The following EDIL3 variants were observed in gnomAD, a reference collection of about 807,000 sequenced individuals.
The protein encoded by EDIL3 is EGF-like repeat and discoidin I-like domain-containing protein 3.
Under a neutral mutation model 67.4 loss-of-function variants are expected in EDIL3, and 37 were observed. That is an observed-to-expected ratio of 0.55 (90% CI 0.42 to 0.72). The LOEUF is 0.72. EDIL3 is among the 30% of genes least tolerant of loss of function. The pLI is 0.00. For synonymous variants in EDIL3, 195 were observed against 196.3 expected, an observed-to-expected ratio of 0.99 and a Z score of 0.05; for missense variants, 527 against 586.3, an observed-to-expected ratio of 0.90 and a Z score of 1.04.
intron 5 of EDIL3, among the ~76,000 whole-genome samples, chr5:84,122,209 C>T (rs1747789223): frequency 6.6e-6 from 1 of 151,898 alleles, no homozygotes; most frequent in Admixed American, 6.6e-5. Context: ...GGTGGACTGT[C>T]CATAACTCTT....
At chr5:84,077,408 G>T (rs960097305) in intron 6 of EDIL3, among the ~76,000 whole-genome samples, 11 of 152,094 alleles carry the variant, frequency 7.2e-5, no homozygotes, top group African/African-American at 2.7e-4. Context: ...CTGCTATGAA[G>T]AAATACCTGA....
chr5:84,063,022 A>G (rs1746571955), intron 8 of EDIL3, among the ~76,000 whole-genome samples: 2 of 152,142 alleles, frequency 1.3e-5, no homozygotes. Context: ...TTCAAAATCA[A>G]TTTGCTGTGC....
chr5:84,358,104 A>G (rs576739823), intron 1 of EDIL3, among the ~76,000 whole-genome samples: 1 of 152,164 alleles, frequency 6.6e-6, no homozygotes, highest in Non-Finnish European at 1.5e-5. Context: ...CATCCAAAAA[A>G]TACATGGGAA....
At chr5:83,991,919 G>T (rs1195456745) in intron 9 of EDIL3, among the ~76,000 whole-genome samples, 1 of 152,106 alleles carries the variant, frequency 6.6e-6, no homozygotes, top group East Asian at 1.9e-4. Context: ...ACGTTTGGTA[G>T]ATTTGTGGAT....
intron 9 of EDIL3, among the ~76,000 whole-genome samples, chr5:84,017,251 A>G (rs907006700): frequency 1.3e-5 from 2 of 152,148 alleles, no homozygotes; most frequent in African/African-American, 4.8e-5. Context: ...GTGTTATTCT[A>G]TCCGGCAATG....
chr5:84,277,011 C>T (rs954214593), intron 1 of EDIL3, among the ~76,000 whole-genome samples: 11 of 152,138 alleles, frequency 7.2e-5, no homozygotes, highest in Non-Finnish European at 4.4e-5. Context: ...ATAATCACTA[C>T]ATTGTTATTC....
At chr5:83,971,570 T>G (rs185140402) in intron 9 of EDIL3, among the ~76,000 whole-genome samples, 1 of 152,102 alleles carries the variant, frequency 6.6e-6, no homozygotes, top group African/African-American at 2.4e-5. Context: ...TTGTTTTTTT[T>G]ATCCGTAGAA....
intron 10 of EDIL3, among the ~76,000 whole-genome samples, chr5:83,959,258 C>T (rs1330988996): frequency 6.7e-6 from 1 of 148,300 alleles, no homozygotes; most frequent in Non-Finnish European, 1.5e-5. Context: ...TACGGCATTG[C>T]TTTTCTGAGG....
chr5:84,036,916 C>G (rs557917048), intron 9 of EDIL3, among the ~76,000 whole-genome samples: 2 of 152,142 alleles, frequency 1.3e-5, no homozygotes, highest in African/African-American at 4.8e-5. Flanking sequence ...CCATCTCATT[C>G]AAAAACAGAT....
chr5:84,038,853 C>G (rs183653805), intron 9 of EDIL3, among the ~76,000 whole-genome samples: 1 of 152,192 alleles, frequency 6.6e-6, no homozygotes, highest in Admixed American at 6.5e-5. Flanking sequence ...TCCAGTACTA[C>G]TAATCTCTAG....
rs560289031 is a variant in EDIL3 at position 84,115,171 on chromosome 5, T to A, written c.470-8341A>T. Reference sequence around the variant, plus strand: ...GGTGTTAAAATCGGAAATGCTTTCTTCATATACTGGCAGGCTTAAAAATAT... The same window carrying A: ...GGTGTTAAAATCGGAAATGCTTTCTACATATACTGGCAGGCTTAAAAATAT... On this transcript the variant is annotated intron_variant, in intron 5 of 10. Coordinates refer to ENST00000296591, the MANE Select transcript of EDIL3 (RefSeq NM_005711.5). 1.1e-4 allele frequency among the ~76,000 whole-genome samples: 16 copies of A among 141,740 alleles called. No individual in the cohort carries two copies. The East Asian group carries it at 2.0e-3, about 18-fold the overall frequency. The allele number at this position is 141,740 out of a possible 152,430, so 93.0% of individuals were successfully genotyped here.
chr5:84,063,408 A>C (rs978075579), intron 8 of EDIL3, among the ~76,000 whole-genome samples: 1 of 152,150 alleles, frequency 6.6e-6, no homozygotes, highest in African/African-American at 2.4e-5. Flanking sequence ...AAATTGCCAA[A>C]ATAAGGAAAA....
At chr5:84,348,073 C>A (rs1747269675) in intron 1 of EDIL3, among the ~76,000 whole-genome samples, 1 of 152,096 alleles carries the variant, frequency 6.6e-6, no homozygotes, top group Non-Finnish European at 1.5e-5. Context: ...AAAAGTGGTC[C>A]ATGAAAGGAA....
At chr5:84,309,473 C>T (rs1006751901) in intron 1 of EDIL3, among the ~76,000 whole-genome samples, 5 of 151,924 alleles carry the variant, frequency 3.3e-5, no homozygotes, top group African/African-American at 1.2e-4. Flanking sequence ...GGTATATCTC[C>T]CAGTGCTATC....
At chr5:84,062,319 C>A (rs1363443505) in intron 8 of EDIL3, among the ~76,000 whole-genome samples, 3 of 152,068 alleles carry the variant, frequency 2.0e-5, no homozygotes, top group Non-Finnish European at 4.4e-5. Flanking sequence ...CCATCTTTGC[C>A]TCTACCTGCA....
intron 5 of EDIL3, among the ~76,000 whole-genome samples, chr5:84,114,354 G>T (rs191714534): frequency 6.6e-6 from 1 of 152,080 alleles, no homozygotes; most frequent in African/African-American, 2.4e-5. Flanking sequence ...GTAGGAGATG[G>T]AAAAATGGCC....
intron 6 of EDIL3, among the ~76,000 whole-genome samples, chr5:84,083,963 A>G (rs1445804185): frequency 2.6e-5 from 4 of 152,166 alleles, no homozygotes; most frequent in African/African-American, 9.7e-5. Context: ...GGTCTTCAGT[A>G]TGGTACAAGT....
intron 9 of EDIL3, among the ~76,000 whole-genome samples, chr5:83,969,850 A>G (rs1744760327): frequency 6.6e-6 from 1 of 151,886 alleles, no homozygotes; most frequent in South Asian, 2.1e-4. Flanking sequence ...TGATCAGATC[A>G]GGGTAATTAT....
rs139387190 is a variant in EDIL3, at chr5:84,212,016, G to C, written c.226+17839C>G. Among the ~76,000 whole-genome samples, 364 of 152,214 alleles carry C rather than the reference G, an allele frequency of 2.4e-3. 4 individuals are homozygous for C. Among genetic ancestry groups the C allele is most frequent in the African/African-American group, 8.3e-3 (346 of 41,536 alleles). ...GAAACTGCTGTGCTGTTTTGATTGCGTTCTCTCTCTCCCTTCCTCTCTCTC... is the reference window on the plus strand; with the variant it reads ...GAAACTGCTGTGCTGTTTTGATTGCCTTCTCTCTCTCCCTTCCTCTCTCTC... On this transcript the variant is annotated intron_variant, in intron 3 of 10. Coordinates refer to ENST00000296591, the MANE Select transcript of EDIL3 (RefSeq NM_005711.5).
Sources: allele counts gnomAD v4.1 joint callset (sites outside exome capture counted in the v4.1 genomes callset), GRCh38; gene constraint gnomAD v4.1.1; transcripts MANE v1.5; gene names NCBI Gene and HGNC (gene_info 2026-07-23, HGNC 2026-07-21).